CACNA1B: variants seen among roughly 807,000 people sequenced by gnomAD.
The protein encoded by CACNA1B is calcium voltage-gated channel subunit alpha1 B.
Under a neutral mutation model 247.2 loss-of-function variants are expected in CACNA1B, and 70 were observed. That is an observed-to-expected ratio of 0.28 (90% confidence interval 0.23 to 0.35). The LOEUF (loss-of-function observed/expected upper bound fraction) is 0.35. Among genes scored for constraint, CACNA1B ranks in the 10% least tolerant of loss-of-function variants. The pLI, the probability that CACNA1B is intolerant of heterozygous loss-of-function variation, is 1.00. For missense variants in CACNA1B, 2,367 were observed against 3,197.4 expected (o/e 0.74, Z 6.26); for synonymous variants, 1,231 against 1,294.4 (o/e 0.95, Z 1.05).
chr9:137,960,201 G>GA (rs1564208691), intron 10 of CACNA1B, among the ~76,000 whole-genome samples: 172 of 60,448 alleles, frequency 2.8e-3, no homozygotes, highest in East Asian at 4.3e-3. Flanking sequence ...TGAGTGAGGG[G>GA]GAGGGGGAGG....
At chr9:138,078,972 A>T (rs1366074651) in intron 36 of CACNA1B, among the ~76,000 whole-genome samples, 2 of 152,192 alleles carry the variant, frequency 1.3e-5, no homozygotes, top group African/African-American at 4.8e-5. Context: ...TTAGGGTTGG[A>T]GGCAGCAGAG....
At chr9:137,909,565 T>C (rs1296209086) in intron 3 of CACNA1B, among the ~76,000 whole-genome samples, 3 of 152,048 alleles carry the variant, frequency 2.0e-5, no homozygotes, top group Non-Finnish European at 2.9e-5. Flanking sequence ...AGAACAGTTA[T>C]TCATGTGCAT....
intron 10 of CACNA1B, among the ~76,000 whole-genome samples, chr9:137,970,194 TCC>T (rs1204665166): frequency 1.3e-5 from 2 of 152,008 alleles, no homozygotes; most frequent in Non-Finnish European, 1.5e-5. Context: ...GCTCCCCACA[TCC>T]TCACACAGGG....
At chr9:138,066,492 C>G (rs1959920675) in intron 31 of CACNA1B, among the ~76,000 whole-genome samples, 1 of 151,798 alleles carries the variant, frequency 6.6e-6, no homozygotes, top group Admixed American at 6.6e-5. Context: ...AGGAGAGAGA[C>G]AGAGGGGGAA....
chr9:137,944,017 A>T (rs1313422995), intron 6 of CACNA1B, among the ~76,000 whole-genome samples: 1 of 152,218 alleles, frequency 6.6e-6, no homozygotes, highest in Admixed American at 6.5e-5. Flanking sequence ...TATTAGTACT[A>T]ACAAATCTTG....
At chr9:138,043,180 G>A (rs569855014) in intron 20 of CACNA1B, among the ~76,000 whole-genome samples, 3 of 152,318 alleles carry the variant, frequency 2.0e-5, no homozygotes, top group South Asian at 4.1e-4. Flanking sequence ...GGTAGAGGAT[G>A]GGCCCTCGGG....
chr9:138,077,875 G>C (rs34845579), intron 35 of CACNA1B, among the ~76,000 whole-genome samples: 1 of 152,092 alleles, frequency 6.6e-6, no homozygotes, highest in Non-Finnish European at 1.5e-5. Flanking sequence ...TCGCCCTGGC[G>C]CTGGCCCCTG....
chr9:137,946,028 G>A (rs1266622518), intron 6 of CACNA1B, among the ~76,000 whole-genome samples: 1 of 151,902 alleles, frequency 6.6e-6, no homozygotes, highest in Non-Finnish European at 1.5e-5. Context: ...CACCATATTG[G>A]CCAGGCTGGT....
intron 5 of CACNA1B, among the ~76,000 whole-genome samples, chr9:137,916,847 G>C (rs1381195778): frequency 2.8e-5 from 4 of 141,238 alleles, no homozygotes; most frequent in Non-Finnish European, 4.8e-5. Flanking sequence ...GAGGCAGTTT[G>C]GCTGTGAGGG....
intron 3 of CACNA1B, among the ~76,000 whole-genome samples, chr9:137,898,104 T>C (rs1957192851): frequency 6.6e-6 from 1 of 152,254 alleles, no homozygotes; most frequent in African/African-American, 2.4e-5. Flanking sequence ...ACATCTGGGT[T>C]GACAATTCTT....
chr9:137,918,524 G>T (rs1481877133), intron 6 of CACNA1B, among the ~76,000 whole-genome samples: 1 of 152,082 alleles, frequency 6.6e-6, no homozygotes, highest in Non-Finnish European at 1.5e-5. Context: ...GGAGGGGGCC[G>T]GAGTGCAAGG....
chr9:138,091,400 G>C (rs1045811031), intron 36 of CACNA1B, among the ~76,000 whole-genome samples: 2 of 152,184 alleles, frequency 1.3e-5, no homozygotes, highest in Admixed American at 6.5e-5. Flanking sequence ...TAGGAGGATG[G>C]GGGATAGCCA....
chr9:138,118,662 T>C lies in CACNA1B; in HGVS notation c.5924T>C (p.Val1975Ala). ...GTGCTGTATCCACAGGCTGTGGACG[T>C]TCAGATGCAGAGCATAACCCGGAGG... ...VGRSGALAVD[V>A]QMQSITRRGP... Residue 1975 changes from valine (V) to alanine (A), a missense_variant, in exon 44 of 47, where the codon GTT (valine) becomes GCT (alanine). Physicochemically the swap from Val to Ala is moderately conservative, Grantham distance 64. Coordinates refer to ENST00000371372, the MANE Select transcript of CACNA1B (RefSeq NM_000718.4). 1.3e-6 allele frequency: 2 copies of C among 1,537,970 alleles called. No individual in the cohort carries two copies. Among genetic ancestry groups the C allele is most frequent in the Non-Finnish European group, 8.9e-7 (1 of 1,129,378 alleles).
chr9:137,943,186 C>T (rs1957753598), intron 6 of CACNA1B, among the ~76,000 whole-genome samples: 1 of 151,514 alleles, frequency 6.6e-6, no homozygotes, highest in South Asian at 2.1e-4. Context: ...TCCTATATAA[C>T]ATTTCATATG....
At chr9:137,915,658 A>G (rs1431358516) in intron 5 of CACNA1B, among the ~76,000 whole-genome samples, 1 of 152,148 alleles carries the variant, frequency 6.6e-6, no homozygotes, top group Admixed American at 6.5e-5. Context: ...CCAACTGTAA[A>G]TAAAAGAGAA....
chr9:138,087,915 C>T (rs1960754851), intron 36 of CACNA1B, among the ~76,000 whole-genome samples: 1 of 151,778 alleles, frequency 6.6e-6, no homozygotes, highest in Admixed American at 6.6e-5. Flanking sequence ...ACATCAGAAA[C>T]ACACAAAGAT....
rs1412062573 is a variant in CACNA1B at position 138,020,152 on chromosome 9, G to C, written c.2268-2859G>C. Among the ~76,000 whole-genome samples the C allele has an allele frequency of 2.0e-5, 3 of 151,374 alleles. No homozygotes were observed. Among genetic ancestry groups the C allele is most frequent in the African/African-American group, 7.3e-5 (3 of 41,150 alleles). ...GGCAGGTATCCATGGTGTCACACCA[G>C]GGCTGCTTCATATTGTCAGCAGTTC... On this transcript the variant is annotated intron_variant, in intron 18 of 46. Coordinates refer to ENST00000371372, the MANE Select transcript of CACNA1B (RefSeq NM_000718.4). This position sits in a 1 kb window ranked among gnomAD's most constrained non-coding sequence, Gnocchi z 4.1.
intron 31 of CACNA1B, chr9:138,068,694 TTC>T: frequency 2.0e-6 from 1 of 509,564 alleles, no homozygotes; most frequent in South Asian, 1.4e-5. Flanking sequence ...GAGGGGTGGT[TTC>T]TGCGTGTGTG....
chr9:138,096,213 A>G (rs992719228), intron 36 of CACNA1B, among the ~76,000 whole-genome samples: 2 of 152,142 alleles, frequency 1.3e-5, no homozygotes, highest in African/African-American at 4.8e-5. Context: ...GGGAAAGACA[A>G]TGTGATCACA....
Sources: allele counts gnomAD v4.1 joint callset (sites outside exome capture counted in the v4.1 genomes callset), GRCh38; gene constraint gnomAD v4.1.1; non-coding constraint Gnocchi (gnomAD v3.1); transcripts MANE v1.5; gene names NCBI Gene and HGNC (gene_info 2026-07-23, HGNC 2026-07-21).